AMPH: variants seen among roughly 807,000 people sequenced by gnomAD.
AMPH encodes amphiphysin.
In AMPH, 49 loss-of-function variants were observed where a neutral mutation model predicts 99.1. The observed-to-expected ratio is 0.49, with a 90% CI of 0.39 to 0.63. The LOEUF (loss-of-function observed/expected upper bound fraction) is 0.63, where lower values mean the gene tolerates loss of function less well. Among genes scored for constraint, AMPH ranks in the 20% least tolerant of loss-of-function variants. AMPH has a pLI of 0.00. For synonymous variants in AMPH, 314 were observed against 317.3 expected, an observed-to-expected ratio of 0.99 and a Z score of 0.11; for missense variants, 759 against 863.4, an observed-to-expected ratio of 0.88 and a Z score of 1.52.
At chr7:38,590,846 C>A (rs17498829) in intron 1 of AMPH, among the ~76,000 whole-genome samples, 42,286 of 151,988 alleles carry the variant, frequency 0.28, 6,261 homozygotes, top group Non-Finnish European at 0.33. Flanking sequence ...AGGACAATGA[C>A]CACAAGGCCA....
intron 2 of AMPH, among the ~76,000 whole-genome samples, chr7:38,519,761 C>T (rs1223498114): frequency 1.3e-5 from 2 of 152,106 alleles, no homozygotes; most frequent in African/African-American, 4.8e-5. Context: ...GTCAGGCATT[C>T]TCCAATGGAT....
chr7:38,482,241 G>C (rs1033478238), intron 5 of AMPH, among the ~76,000 whole-genome samples: 1 of 152,114 alleles, frequency 6.6e-6, no homozygotes, highest in Admixed American at 6.6e-5. Context: ...CAGAGAGAGA[G>C]AGATTCAGCC....
intron 17 of AMPH, among the ~76,000 whole-genome samples, chr7:38,407,021 C>T (rs1401169674): frequency 5.4e-4 from 2 of 3,712 alleles, no homozygotes; most frequent in African/African-American, 1.6e-3. Context: ...CTAATAGACT[C>T]CTCTCTCTCT....
intron 11 of AMPH, among the ~76,000 whole-genome samples, chr7:38,453,813 G>A (rs1415677718): frequency 6.6e-6 from 1 of 152,120 alleles, no homozygotes; most frequent in African/African-American, 2.4e-5. Flanking sequence ...GCTCTTGGAG[G>A]GTCCAGGTCA....
intron 12 of AMPH, among the ~76,000 whole-genome samples, chr7:38,435,512 T>C (rs1443483093): frequency 1.3e-5 from 2 of 152,248 alleles, no homozygotes; most frequent in Non-Finnish European, 2.9e-5. Context: ...AAAGTACTTA[T>C]ATAAACAGTT....
chr7:38,529,071 G>T (rs780610568), intron 2 of AMPH, among the ~76,000 whole-genome samples: 13 of 152,100 alleles, frequency 8.5e-5, no homozygotes, highest in Non-Finnish European at 1.6e-4. Context: ...GGTGTGAGCA[G>T]GGACTTTCAT....
At chr7:38,422,534 C>G in intron 15 of AMPH, 57 bp from the exon 16 acceptor site, 1 of 1,343,662 alleles carries the variant, frequency 7.4e-7, no homozygotes, top group South Asian at 1.2e-5. Flanking sequence ...AATCAGCTAC[C>G]ATCAATTGTG....
chr7:38,418,605 A>G (rs1785474117), intron 16 of AMPH, among the ~76,000 whole-genome samples: 1 of 152,232 alleles, frequency 6.6e-6, no homozygotes, highest in African/African-American at 2.4e-5. Flanking sequence ...TTGCTACTAC[A>G]ATCATAGATA....
At chr7:38,516,945 C>CT (rs1789769755) in intron 2 of AMPH, among the ~76,000 whole-genome samples, 1 of 152,160 alleles carries the variant, frequency 6.6e-6, no homozygotes, top group Admixed American at 6.5e-5. Flanking sequence ...CCCATAGCCC[C>CT]TTTTTTTGAT....
chr7:38,490,837 A>G (rs1342759400), intron 5 of AMPH, among the ~76,000 whole-genome samples: 1 of 152,228 alleles, frequency 6.6e-6, no homozygotes, highest in African/African-American at 2.4e-5. Flanking sequence ...TAAAAGCTGA[A>G]GCAGTTCACT....
At position 38,416,125 on chromosome 7, in the gene AMPH, A is replaced by G. The variant is rs1394794321; in HGVS notation, c.1398+1700T>C. Among the ~76,000 whole-genome samples, 12 of 133,800 alleles carry G rather than the reference A, an allele frequency of 9.0e-5. 2 individuals are homozygous for G. The East Asian group carries it at 2.8e-3, about 32-fold the overall frequency. 87.8% of individuals were successfully genotyped at this position (133,800 alleles called of 152,430 possible). The stretch of plus-strand genomic sequence containing the variant: ...TGAATATATATATATATATATATAT[A>G]TTAGCTATTACATAGTAGGTACTTA... On this transcript the variant is annotated intron_variant, in intron 17 of 20. Coordinates refer to ENST00000356264, the MANE Select transcript of AMPH (RefSeq NM_001635.4).
intron 2 of AMPH, among the ~76,000 whole-genome samples, chr7:38,509,777 G>A (rs1176509757): frequency 1.3e-5 from 2 of 152,160 alleles, no homozygotes; most frequent in Admixed American, 6.5e-5. Flanking sequence ...GGAGAAGCAC[G>A]GAGAGCTGAC....
At chr7:38,562,222 T>A (rs1245728244) in intron 1 of AMPH, among the ~76,000 whole-genome samples, 2 of 152,208 alleles carry the variant, frequency 1.3e-5, no homozygotes, top group Non-Finnish European at 2.9e-5. Context: ...TGTTTAATCC[T>A]AAGCAAAACA....
At chr7:38,438,084 AC>A (rs1330170536) in intron 11 of AMPH, among the ~76,000 whole-genome samples, 5 of 152,116 alleles carry the variant, frequency 3.3e-5, no homozygotes, top group African/African-American at 9.7e-5. Context: ...TTTTTCCCCA[AC>A]TTTTATGTAG....
chr7:38,525,273 TATATAGAGAG>T (rs1367288555), intron 2 of AMPH, among the ~76,000 whole-genome samples: 156 of 83,322 alleles, frequency 1.9e-3, no homozygotes, highest in African/African-American at 8.2e-3. Context: ...TATATATATA[TATATAGAGAG>T]AGAGAGAGAG....
intron 2 of AMPH, among the ~76,000 whole-genome samples, chr7:38,523,275 C>T (rs925801642): frequency 3.3e-5 from 5 of 151,906 alleles, no homozygotes; most frequent in African/African-American, 2.4e-5. Context: ...TATATCCTGT[C>T]CACTTAGAAG....
chr7:38,438,566 A>G (rs923720967), intron 11 of AMPH, among the ~76,000 whole-genome samples: 1 of 152,104 alleles, frequency 6.6e-6, no homozygotes, highest in African/African-American at 2.4e-5. Flanking sequence ...GAATATATTC[A>G]TTATTTCCTT....
At chr7:38,588,806 A>G (rs1240005310) in intron 1 of AMPH, among the ~76,000 whole-genome samples, 1 of 152,206 alleles carries the variant, frequency 6.6e-6, no homozygotes, top group Non-Finnish European at 1.5e-5. Context: ...AACTATCATT[A>G]TAAAGAAGAC....
intron 5 of AMPH, among the ~76,000 whole-genome samples, chr7:38,480,588 C>T (rs1436120417): frequency 6.6e-6 from 1 of 152,136 alleles, no homozygotes; most frequent in East Asian, 1.9e-4. Context: ...TTTCTAATTG[C>T]TTTCATTTTC....
Sources: gnomAD v4.1 joint callset for allele counts (sites outside exome capture counted in the v4.1 genomes callset) on GRCh38, gnomAD v4.1.1 for gene constraint, MANE v1.5 for transcripts, NCBI Gene and HGNC (gene_info 2026-07-23, HGNC 2026-07-21) for gene names.